Variants in CNR1 observed in about 807,000 individuals in gnomAD.
CNR1 encodes the protein cannabinoid receptor 1 (brain).
A neutral mutation model predicts 23.0 loss-of-function variants in CNR1; 10 were observed. The ratio of observed to expected loss-of-function variants is 0.43; its 90% CI spans 0.27 to 0.74. The LOEUF (loss-of-function observed/expected upper bound fraction) is 0.74, where lower values mean the gene tolerates loss of function less well. CNR1 is among the 30% of genes least tolerant of loss of function. The pLI is 0.19. For missense variants in CNR1, 422 were observed against 618.8 expected (o/e 0.68, Z 3.37); for synonymous variants, 271 against 255.2 (o/e 1.06, Z -0.59).
intron 1 of CNR1, among the ~76,000 whole-genome samples, chr6:88,148,930 G>A (rs866919037): frequency 2.0e-5 from 3 of 152,154 alleles, no homozygotes; most frequent in African/African-American, 4.8e-5. Context: ...AATCTCCCAT[G>A]GGTAACTTCT....
At chr6:88,153,572 A>G (rs1024117690) in intron 1 of CNR1, among the ~76,000 whole-genome samples, 4 of 152,116 alleles carry the variant, frequency 2.6e-5, no homozygotes, top group African/African-American at 9.7e-5. Flanking sequence ...TGTTTTTCCT[A>G]CTTTGTTGGT....
chr6:88,144,355 C>T lies in CNR1; in HGVS notation c.920G>A (p.Arg307His), dbSNP rs140913272. The T allele has an allele frequency of 1.6e-5, 26 of 1,613,570 alleles. No homozygotes were observed. The highest frequency in any genetic ancestry group is 3.3e-5 in the Admixed American group (2 of 59,986). ...ILWKAHSHAV[R>H]MIQRGTQKSI... is the part of the protein sequence containing the mutation. ...CTTCTGGGTGCCACGCTGAATCATG[C>T]GGACGGCGTGGCTGTGAGCCTTCCA... Residue 307 changes from arginine to histidine, a missense_variant, in exon 2 of 2, where the codon CGC (arginine) becomes CAC (histidine). Arg to His is a conservative substitution (Grantham distance 29). Coordinates refer to ENST00000369501, the MANE Select transcript of CNR1 (RefSeq NM_016083.6). The surrounding 1 kb of genome is among the most constrained non-coding windows in gnomAD (Gnocchi z 7.8).
intron 1 of CNR1, among the ~76,000 whole-genome samples, chr6:88,165,380 T>C (rs1261337440): frequency 6.6e-6 from 1 of 152,248 alleles, no homozygotes; most frequent in African/African-American, 2.4e-5. Context: ...AAAAGTTTAT[T>C]ATTTGACATA....
rs79834222 is a variant in CNR1, at chr6:88,158,396, C to T, written c.-64+7407G>A. Among the ~76,000 whole-genome samples, 1,016 of 152,256 alleles carry T rather than the reference C, an allele frequency of 6.7e-3. 10 individuals are homozygous for T. Among genetic ancestry groups the T allele is most frequent in the Non-Finnish European group, 0.01 (706 of 68,018 alleles). Reference sequence around the variant, plus strand: ...ATTGAATTAGTAAATAAGACAGGTACCAACGGGCTGAAAATTATAATATAC... The same window carrying T: ...ATTGAATTAGTAAATAAGACAGGTATCAACGGGCTGAAAATTATAATATAC... On this transcript the variant is annotated intron_variant, in intron 1 of 1. Transcript: ENST00000369501.
intron 1 of CNR1, among the ~76,000 whole-genome samples, chr6:88,148,900 C>T (rs949737356): frequency 1.3e-5 from 2 of 152,236 alleles, no homozygotes; most frequent in Admixed American, 1.3e-4. Flanking sequence ...GTAGGAGGCA[C>T]TGCCAAACTG....
intron 1 of CNR1, chr6:88,147,775 T>C (rs1413557624): frequency 6.6e-6 from 1 of 152,310 alleles, no homozygotes; most frequent in Non-Finnish European, 1.5e-5. Context: ...CGTATGCTGA[T>C]TATGTGACTC....
At chr6:88,165,640 C>G (rs190005298) in intron 1 of CNR1, among the ~76,000 whole-genome samples, 163 bp downstream of exon 1, 1 of 152,182 alleles carries the variant, frequency 6.6e-6, no homozygotes, top group Non-Finnish European at 1.5e-5. Flanking sequence ...TAGAACAGAT[C>G]ACAGTTAACA....
intron 1 of CNR1, among the ~76,000 whole-genome samples, chr6:88,150,312 C>T (rs1777449018): frequency 6.6e-6 from 1 of 152,172 alleles, no homozygotes; most frequent in Non-Finnish European, 1.5e-5. Context: ...AGAGAAAAGT[C>T]AATCTCTCTC....
intron 1 of CNR1, chr6:88,147,642 C>G (rs1167568667): frequency 1.3e-5 from 2 of 152,244 alleles, no homozygotes; most frequent in Non-Finnish European, 2.9e-5. Flanking sequence ...ACCTCCACTT[C>G]CAGGATCTCA....
Position 88,144,158 on chromosome 6 carries a change from T to C in CNR1, c.1117A>G (p.Lys373Glu). 1 of 1,613,872 alleles carries C rather than the reference T, an allele frequency of 6.2e-7. No homozygotes were observed. The highest frequency in any genetic ancestry group is 1.1e-5 in the South Asian group (1 of 91,048). ...MVYDVFGKMN[K>E]LIKTVFAFCS... ...AATGCAAACACCGTCTTAATGAGCT[T>C]GTTCATCTTCCCAAAGACATCATAC... Residue 373 changes from lysine to glutamate, a missense_variant, in exon 2 of 2, where the codon AAG (lysine) becomes GAG (glutamate). Physicochemically the swap from Lys to Glu is moderately conservative, Grantham distance 56. Around this residue, in one of 4 missense-constraint regions of CNR1, gnomAD observed 12 missense variants for 45.9 expected, o/e 0.26. Transcript: ENST00000369501. The surrounding 1 kb of genome is among the most constrained non-coding windows in gnomAD (Gnocchi z 7.8).
At chr6:88,166,704 G>C (rs1245459083), upstream of CNR1, among the ~76,000 whole-genome samples, 1 of 152,152 alleles carries the variant, frequency 6.6e-6, no homozygotes, top group Non-Finnish European at 1.5e-5. Flanking sequence ...CGCCGCCCAC[G>C]ACCTCGGGGC....
At chr6:88,158,210 T>C (rs981521224) in intron 1 of CNR1, among the ~76,000 whole-genome samples, 3 of 152,212 alleles carry the variant, frequency 2.0e-5, no homozygotes, top group African/African-American at 4.8e-5. Flanking sequence ...GAAGTATGTA[T>C]GCAAATTGGA....
Position 88,144,592 on chromosome 6 carries a change from A to G in CNR1, c.683T>C (p.Val228Ala). The G allele has an allele frequency of 1.2e-6, 2 of 1,614,206 alleles. No individual in the cohort carries two copies. Among genetic ancestry groups the G allele is most frequent in the Non-Finnish European group, 1.7e-6 (2 of 1,180,042 alleles). The stretch of plus-strand genomic sequence containing the variant: ...CGCCACCACGGCCTTGGGCCTGGTG[A>G]CAATCCTCTTATAGGCCAGGGGCCT... ...IHRPLAYKRI[V>A]TRPKAVVAFC... The change falls in exon 2 of 2, where the codon GTC becomes GCC. Residue 228 changes from valine (V) to alanine (A), a missense_variant. Val to Ala is a moderately conservative substitution (Grantham distance 64, BLOSUM62 0). Around this residue, in one of 4 missense-constraint regions of CNR1, gnomAD observed 211 missense variants for 357.3 expected, o/e 0.59. Coordinates refer to ENST00000369501, the MANE Select transcript of CNR1 (RefSeq NM_016083.6). The surrounding 1 kb of genome is among the most constrained non-coding windows in gnomAD (Gnocchi z 7.8).
At chr6:88,152,763 A>T (rs2127759776) in intron 1 of CNR1, among the ~76,000 whole-genome samples, 1 of 152,320 alleles carries the variant, frequency 6.6e-6, no homozygotes, top group East Asian at 1.9e-4. Context: ...CTTTATTTCT[A>T]CATTTGGATT....
Position 88,143,799 on chromosome 6 carries a change from A to G in CNR1, c.*57T>C. 2 of 1,317,556 alleles carry G rather than the reference A, an allele frequency of 1.5e-6. No individual in the cohort carries two copies. The highest frequency in any genetic ancestry group is 1.3e-5 in the South Asian group (1 of 74,468). 81.6% of individuals were successfully genotyped at this position (1,317,556 alleles called of 1,614,324 possible). A position where few individuals can be genotyped will look rare whatever the true frequency, so the allele number is the denominator to read the frequency against. ...AACCAAGGAGACAATAGACTCTTCT[A>G]GATTTTGAGCTTAAAAAAAAAAATT... On this transcript the variant is annotated 3_prime_UTR_variant, in exon 2 of 2. Transcript: ENST00000369501.
rs1239826313 is a variant in CNR1, at chr6:88,143,792, C to T, written c.*64G>A. On this transcript the variant is annotated 3_prime_UTR_variant, in exon 2 of 2. Coordinates refer to ENST00000369501, the MANE Select transcript of CNR1 (RefSeq NM_016083.6). ...AAAATATAACCAAGGAGACAATAGA[C>T]TCTTCTAGATTTTGAGCTTAAAAAA... The T allele has an allele frequency of 5.9e-6, 7 of 1,193,634 alleles. No homozygotes were observed. Among genetic ancestry groups the T allele is most frequent in the Non-Finnish European group, 8.4e-6 (7 of 831,976 alleles). 73.9% of individuals were successfully genotyped at this position (1,193,634 alleles called of 1,614,324 possible).
rs1293168288 is a variant in CNR1, at chr6:88,143,384, T to C, written c.*472A>G. On this transcript the variant is annotated 3_prime_UTR_variant, in exon 2 of 2. Transcript: ENST00000369501. ...TCAGTTTTGCTGAACTAAACAAATA[T>C]TAATAGCACATAAACACTGATACAC... The C allele has an allele frequency of 2.6e-5, 4 of 155,340 alleles. No homozygotes were observed. Among genetic ancestry groups the C allele is most frequent in the Non-Finnish European group, 5.7e-5 (4 of 69,910 alleles). The allele number at this position is 155,340 out of a possible 1,614,324, so 9.6% of individuals were successfully genotyped here.
At chr6:88,149,776 C>T (rs1156505972) in intron 1 of CNR1, among the ~76,000 whole-genome samples, 1 of 152,222 alleles carries the variant, frequency 6.6e-6, no homozygotes, top group African/African-American at 2.4e-5. Flanking sequence ...ACCAGCCCCT[C>T]CCACTAGGTA....
chr6:88,154,054 C>T (rs1442297601), intron 1 of CNR1, among the ~76,000 whole-genome samples: 1 of 152,178 alleles, frequency 6.6e-6, no homozygotes, highest in African/African-American at 2.4e-5. Flanking sequence ...AGCTCCTTTT[C>T]CTACATATGA....
Sources: allele counts gnomAD v4.1 joint callset (sites outside exome capture counted in the v4.1 genomes callset), GRCh38; gene constraint gnomAD v4.1.1; regional missense constraint gnomAD v4.1.1; non-coding constraint Gnocchi (gnomAD v3.1); transcripts MANE v1.5; gene names NCBI Gene and HGNC (gene_info 2026-07-23, HGNC 2026-07-21).